Variants in MAP3K21 observed in about 807,000 individuals in gnomAD.
MAP3K21 encodes mitogen-activated protein kinase kinase kinase 21.
MAP3K21 carries 63 observed loss-of-function variants against 86.1 expected under a neutral mutation model. That is an observed-to-expected ratio of 0.73 (90% confidence interval 0.60 to 0.90). The LOEUF is 0.90. MAP3K21 is among the 40% of genes least tolerant of loss of function. The pLI is 0.00. For synonymous variants in MAP3K21, 558 were observed against 564.8 expected (o/e 0.99, Z 0.17); for missense variants, 1,220 against 1,367.7 (o/e 0.89, Z 1.70).
intron 4 of MAP3K21, among the ~76,000 whole-genome samples, chr1:233,359,032 C>G (rs1371217054): frequency 2.6e-5 from 4 of 152,054 alleles, no homozygotes; most frequent in African/African-American, 9.7e-5. Context: ...AGGCTGGTCT[C>G]AAACTCCAGA....
At chr1:233,354,760 C>A in intron 3 of MAP3K21, 76 bp from the exon 4 acceptor site, 1 of 886,784 alleles carries the variant, frequency 1.1e-6, no homozygotes, top group Non-Finnish European at 1.7e-6. Flanking sequence ...TTGAAATACA[C>A]TTCAGTGTAA....
chr1:233,382,354 C>T lies in MAP3K21; in HGVS notation c.2754C>T (p.Cys918=). ...CTGGAGCCTCTGCACTGCCACTCTG[C>T]CCCTCACCTGCTCCTCACAGTCATC... ...SATGASALPL[C]PSPAPHSHLP... is the part of the protein sequence containing the mutation. The change falls in exon 10 of 10, where the codon TGC becomes TGT. Residue 918 remains cysteine, a synonymous_variant. Coordinates refer to ENST00000366624, the MANE Select transcript of MAP3K21 (RefSeq NM_032435.3). 3 of 1,614,108 alleles carry T rather than the reference C, an allele frequency of 1.9e-6. No homozygotes were observed. The highest frequency in any genetic ancestry group is 2.5e-6 in the Non-Finnish European group (3 of 1,179,976).
chr1:233,343,286 A>G (rs1341328995), intron 1 of MAP3K21, among the ~76,000 whole-genome samples: 3 of 152,228 alleles, frequency 2.0e-5, no homozygotes, highest in Non-Finnish European at 4.4e-5. Context: ...CCATTAATAA[A>G]AGTGTGTGTG....
chr1:233,350,402 C>A (rs1237501234), intron 2 of MAP3K21, among the ~76,000 whole-genome samples: 1 of 152,104 alleles, frequency 6.6e-6, no homozygotes, highest in Non-Finnish European at 1.5e-5. Flanking sequence ...CATTCATATA[C>A]AAAAGCACAT....
intron 1 of MAP3K21, among the ~76,000 whole-genome samples, chr1:233,334,119 C>G (rs887222990): frequency 2.0e-5 from 3 of 151,722 alleles, no homozygotes; most frequent in African/African-American, 4.8e-5. Context: ...TCCGCCTCGG[C>G]CGCCCAAAGT....
intron 6 of MAP3K21, 53 bp from the exon 7 acceptor site, chr1:233,375,863 A>G (rs1180478470): frequency 2.8e-6 from 4 of 1,443,296 alleles, no homozygotes; most frequent in East Asian, 4.6e-5. Flanking sequence ...AACAAAGCCA[A>G]TATTGGTTAA....
rs1558466233 is a variant in MAP3K21, at chr1:233,382,713, C to T, written c.*2C>T. 1.9e-6 allele frequency: 3 copies of T among 1,609,964 alleles called. No homozygotes were observed. The highest frequency in any genetic ancestry group is 2.2e-5 in the East Asian group (1 of 44,812). ...CTGGAGAAAGAATTCCTGTCTTAAA[C>T]TAAGTGCCTTACTGTTGTTTAAGCA... On this transcript the variant is annotated 3_prime_UTR_variant, in exon 10 of 10. Coordinates refer to ENST00000366624, the MANE Select transcript of MAP3K21 (RefSeq NM_032435.3).
At position 233,372,154 on chromosome 1, in the gene MAP3K21, A is replaced by G. The variant is rs755187590; in HGVS notation, c.1669A>G (p.Ile557Val). 3 of 1,614,096 alleles carry G rather than the reference A, an allele frequency of 1.9e-6. No individual in the cohort carries two copies. The highest frequency in any genetic ancestry group is 2.2e-5 in the South Asian group (2 of 91,042). The change falls in exon 6 of 10, where the codon ATA becomes GTA. Residue 557 changes from isoleucine to valine, a missense_variant. Ile to Val is a conservative substitution (Grantham distance 29). Coordinates refer to ENST00000366624, the MANE Select transcript of MAP3K21 (RefSeq NM_032435.3). ...CACAATGATGCCCCGACTCCGAGCC[A>G]TACAGTGTGAGCTTTCTGCACTGCC... is the stretch of plus-strand genomic sequence containing the variant. ...SPTMMPRLRA[I>V]QLTSDESNKT...
At chr1:233,331,918 A>G (rs561337131) in intron 1 of MAP3K21, among the ~76,000 whole-genome samples, 1 of 152,366 alleles carries the variant, frequency 6.6e-6, no homozygotes, top group Admixed American at 6.5e-5. Context: ...GCTTTAAGCA[A>G]CATTTATGTT....
At chr1:233,348,615 T>C (rs970409723) in intron 2 of MAP3K21, among the ~76,000 whole-genome samples, 1 of 152,130 alleles carries the variant, frequency 6.6e-6, no homozygotes, top group Non-Finnish European at 1.5e-5. Context: ...TTCCCACCAG[T>C]AGAGTGTCAG....
chr1:233,374,602 A>C (rs1663753413), intron 6 of MAP3K21, among the ~76,000 whole-genome samples: 1 of 152,176 alleles, frequency 6.6e-6, no homozygotes, highest in Non-Finnish European at 1.5e-5. Flanking sequence ...ACAAAGTGAT[A>C]TAAAGGAGTT....
intron 5 of MAP3K21, among the ~76,000 whole-genome samples, chr1:233,365,082 G>A (rs1182240712): frequency 3.9e-5 from 6 of 152,086 alleles, no homozygotes; most frequent in East Asian, 1.9e-4. Flanking sequence ...GGAGAATTCC[G>A]CTTAGTATAG....
intron 1 of MAP3K21, among the ~76,000 whole-genome samples, chr1:233,329,279 T>C (rs1558447633): frequency 6.6e-6 from 1 of 152,152 alleles, no homozygotes; most frequent in Non-Finnish European, 1.5e-5. Flanking sequence ...ACTTTACAAG[T>C]GCTGTATTGA....
At chr1:233,332,375 C>T (rs576692832) in intron 1 of MAP3K21, among the ~76,000 whole-genome samples, 2 of 152,056 alleles carry the variant, frequency 1.3e-5, no homozygotes, top group South Asian at 2.1e-4. Flanking sequence ...GGAAGGACCA[C>T]GAATTCGTCA....
intron 5 of MAP3K21, among the ~76,000 whole-genome samples, chr1:233,369,220 C>CAAAAAAAAA (rs35461412): frequency 8.5e-5 from 9 of 105,590 alleles, no homozygotes; most frequent in Admixed American, 2.3e-4. Flanking sequence ...TAGTAAAATA[C>CAAAAAAAAA]AAAAAAAAAA....
At chr1:233,344,128 T>A (rs1663088613) in intron 1 of MAP3K21, among the ~76,000 whole-genome samples, 1 of 151,852 alleles carries the variant, frequency 6.6e-6, no homozygotes, top group Admixed American at 6.6e-5. Context: ...ATACGAAGAG[T>A]CAAAATCATG....
chr1:233,350,309 G>A (rs1346471913), intron 2 of MAP3K21, among the ~76,000 whole-genome samples: 1 of 151,938 alleles, frequency 6.6e-6, no homozygotes, highest in Non-Finnish European at 1.5e-5. Context: ...AGAGCTGACT[G>A]TATTATTAAA....
In MAP3K21 at chr1:233,328,290, C is replaced by A. The variant is rs1424872889; in HGVS notation, c.262C>A (p.Arg88Ser). ...EGWWAGQVQR[R>S]LGIFPANYVA... ...CTGGTGGGCAGGCCAGGTGCAGCGG[C>A]GCCTCGGCATCTTCCCCGCCAACTA... The change falls in exon 1 of 10, where the codon CGC becomes AGC. Residue 88 changes from arginine to serine, a missense_variant. Arg to Ser is a moderately radical substitution (Grantham distance 110). This residue lies in a region of MAP3K21 where 369 missense variants were observed against 385.3 expected (regional missense o/e 0.96). Coordinates refer to ENST00000366624, the MANE Select transcript of MAP3K21 (RefSeq NM_032435.3). The surrounding 1 kb of genome is among the most constrained non-coding windows in gnomAD (Gnocchi z 8.7). 2 of 1,487,660 alleles carry A rather than the reference C, an allele frequency of 1.3e-6. No homozygotes were observed. The highest frequency in any genetic ancestry group is 1.8e-6 in the Non-Finnish European group (2 of 1,126,784). 92.2% of individuals were successfully genotyped at this position (1,487,660 alleles called of 1,614,324 possible). A position where few individuals can be genotyped will look rare whatever the true frequency, so the allele number is the denominator to read the frequency against.
chr1:233,357,499 A>T (rs1048439825), intron 4 of MAP3K21, among the ~76,000 whole-genome samples: 1 of 152,226 alleles, frequency 6.6e-6, no homozygotes, highest in African/African-American at 2.4e-5. Flanking sequence ...ATTTGGTTAC[A>T]TTGAAAAATG....
Sources: allele counts gnomAD v4.1 joint callset (sites outside exome capture counted in the v4.1 genomes callset), GRCh38; gene constraint gnomAD v4.1.1; regional missense constraint gnomAD v4.1.1; non-coding constraint Gnocchi (gnomAD v3.1); transcripts MANE v1.5; gene names NCBI Gene and HGNC (gene_info 2026-07-23, HGNC 2026-07-21).